Variants in LRP12 observed in about 807,000 individuals in gnomAD.
LRP12 encodes the protein low-density lipoprotein receptor-related protein 12.
In LRP12, 14 loss-of-function variants were observed where a neutral mutation model predicts 66.0. That is an observed-to-expected ratio of 0.21 (90% CI 0.14 to 0.33). The LOEUF (loss-of-function observed/expected upper bound fraction) is 0.33. Ranked by LOEUF, LRP12 falls within the 10% of genes least tolerant of loss-of-function variation. LRP12 has a pLI of 1.00. For synonymous variants in LRP12, 357 were observed against 359.1 expected (o/e 0.99, Z 0.07); for missense variants, 889 against 1,053.4 (o/e 0.84, Z 2.16).
At chr8:104,554,752 G>A (rs761252012) in intron 1 of LRP12, among the ~76,000 whole-genome samples, 8 of 152,160 alleles carry the variant, frequency 5.3e-5, no homozygotes, top group East Asian at 1.9e-4. Context: ...AGATCTAGAC[G>A]TTGAAATACA....
rs772131923 is a variant in LRP12 at position 104,531,955 on chromosome 8, C to T, written c.88G>A (p.Ala30Thr). The part of the protein sequence containing the change: ...LFLAGVYGNG[A>T]LAEHSENVHI... ...ACATTTTCAGAATGTTCTGCAAGAG[C>T]ACCATTTCCTAAAATTAAACATAAT... The change falls in exon 2 of 7, where the codon GCT becomes ACT. Residue 30 changes from alanine to threonine, a missense_variant. Ala to Thr is a moderately conservative substitution (Grantham distance 58, BLOSUM62 0). Coordinates refer to ENST00000276654, the MANE Select transcript of LRP12 (RefSeq NM_013437.5). The T allele has an allele frequency of 1.3e-6, 2 of 1,585,302 alleles. No individual in the cohort carries two copies. The highest frequency in any genetic ancestry group is 1.7e-6 in the Non-Finnish European group (2 of 1,167,574).
At position 104,588,995 on chromosome 8, in the gene LRP12, C is replaced by CGCCGCA; in HGVS notation, c.-99_-98insTGCGGC. 1.1e-6 allele frequency: 1 copy of CGCCGCA among 872,472 alleles called. No homozygotes were observed. The allele number at this position is 872,472 out of a possible 1,614,324, so 54.0% of individuals were successfully genotyped here. On this transcript the variant is annotated 5_prime_UTR_variant, in exon 1 of 7. Coordinates refer to ENST00000276654, the MANE Select transcript of LRP12 (RefSeq NM_013437.5). ...ACGCCGCCGCCGCCGCCGCCGCCGC[C>CGCCGCA]GCCGAGCCACCGGCTGCTCCCTGCG...
chr8:104,507,089 G>T (rs1451178184), intron 3 of LRP12: 2 of 151,970 alleles, frequency 1.3e-5, no homozygotes, highest in Non-Finnish European at 2.9e-5. Flanking sequence ...TCATTTGTAT[G>T]TCTAAAAGAG....
chr8:104,517,545 A>G (rs1218990728), intron 2 of LRP12, among the ~76,000 whole-genome samples: 1 of 152,070 alleles, frequency 6.6e-6, no homozygotes, highest in African/African-American at 2.4e-5. Flanking sequence ...AGGCAAAGAG[A>G]TCACCTAAAA....
At chr8:104,539,905 CA>C (rs1383846362) in intron 1 of LRP12, among the ~76,000 whole-genome samples, 1 of 151,386 alleles carries the variant, frequency 6.6e-6, no homozygotes, top group Non-Finnish European at 1.5e-5. Context: ...CATGCAAATA[CA>C]TATTTTTTTA....
chr8:104,562,900 T>C (rs996397342), intron 1 of LRP12, among the ~76,000 whole-genome samples: 4 of 152,194 alleles, frequency 2.6e-5, no homozygotes, highest in African/African-American at 9.7e-5. Flanking sequence ...AAAGAATTAA[T>C]GATCTGGCAT....
chr8:104,540,034 A>AGT (rs1811451826), intron 1 of LRP12, among the ~76,000 whole-genome samples: 1 of 152,150 alleles, frequency 6.6e-6, no homozygotes, highest in Non-Finnish European at 1.5e-5. Flanking sequence ...AAGTGTGCAG[A>AGT]GTGGTCACTT....
chr8:104,519,088 C>T (rs1490928401), intron 2 of LRP12, among the ~76,000 whole-genome samples: 1 of 152,050 alleles, frequency 6.6e-6, no homozygotes. Context: ...AACACACGCC[C>T]ACAGCTAGGC....
chr8:104,580,539 A>T (rs570723004), intron 1 of LRP12, among the ~76,000 whole-genome samples: 1 of 152,108 alleles, frequency 6.6e-6, no homozygotes, highest in Non-Finnish European at 1.5e-5. Context: ...CAAAAAAAAA[A>T]CAAAACAAAC....
chr8:104,519,714 C>A (rs1169377205), intron 2 of LRP12, among the ~76,000 whole-genome samples: 1 of 151,972 alleles, frequency 6.6e-6, no homozygotes, highest in Non-Finnish European at 1.5e-5. Context: ...ATCCATCACT[C>A]CCACTTAGGA....
chr8:104,543,339 A>G (rs538791635), intron 1 of LRP12, among the ~76,000 whole-genome samples: 69 of 152,010 alleles, frequency 4.5e-4, no homozygotes, highest in African/African-American at 1.5e-3. Flanking sequence ...AAACTTTTTC[A>G]TTACTATTGT....
At chr8:104,499,195 C>A (rs1052270565) in intron 4 of LRP12, 122 bp downstream of exon 4, 3 of 698,422 alleles carry the variant, frequency 4.3e-6, no homozygotes, top group Admixed American at 3.3e-5. Context: ...AATCCTCAAT[C>A]TCAGCTGCCT....
Position 104,497,166 on chromosome 8 carries a change from A to G in LRP12, c.1386T>C (p.Arg462=), listed in dbSNP as rs1810742331. The G allele has an allele frequency of 1.2e-6, 2 of 1,610,614 alleles. No individual in the cohort carries two copies. The highest frequency in any genetic ancestry group is 1.7e-5 in the Admixed American group (1 of 59,690). The change falls in exon 5 of 7, where the codon CGT becomes CGC. Residue 462 remains arginine, a synonymous_variant. Transcript: ENST00000276654. This position sits in a 1 kb window ranked among gnomAD's most constrained non-coding sequence, Gnocchi z 4.3. ...CACACACCCAACTTTCAAACACACA[A>G]CGATTGTTTTTACAATGGAAATTTC... The part of the protein sequence containing the change: ...QPGNFHCKNN[R]CVFESWVCDS...
chr8:104,491,589 A>AG, intron 6 of LRP12, 50 bp from the exon 7 acceptor site: 1 of 1,037,884 alleles, frequency 9.6e-7, no homozygotes, highest in Non-Finnish European at 1.3e-6. Context: ...AGGTACTAAG[A>AG]TAAAAAAAAA....
At chr8:104,561,763 G>T (rs1333844984) in intron 1 of LRP12, among the ~76,000 whole-genome samples, 2 of 152,026 alleles carry the variant, frequency 1.3e-5, no homozygotes, top group Non-Finnish European at 2.9e-5. Flanking sequence ...TCATCTTTTG[G>T]TCACTGGGAG....
At chr8:104,515,809 G>T (rs1811065205) in intron 2 of LRP12, among the ~76,000 whole-genome samples, 1 of 152,202 alleles carries the variant, frequency 6.6e-6, no homozygotes, top group African/African-American at 2.4e-5. Context: ...TAAAAGGTAT[G>T]TAGTTGTAAG....
intron 1 of LRP12, among the ~76,000 whole-genome samples, chr8:104,533,912 G>T (rs1162277277): frequency 1.3e-5 from 2 of 151,932 alleles, no homozygotes; most frequent in Admixed American, 6.6e-5. Context: ...GAAGATTGTG[G>T]ATTCTGAGCT....
chr8:104,518,726 ATTT>A (rs1401193445), intron 2 of LRP12, among the ~76,000 whole-genome samples: 3 of 152,102 alleles, frequency 2.0e-5, no homozygotes, highest in Admixed American at 2.0e-4. Flanking sequence ...GGTATTAAAA[ATTT>A]TATAAACAGC....
chr8:104,503,218 T>C (rs1810854403), intron 3 of LRP12, among the ~76,000 whole-genome samples: 1 of 150,640 alleles, frequency 6.6e-6, no homozygotes, highest in Non-Finnish European at 1.5e-5. Flanking sequence ...TCCCAGCTAC[T>C]CGGGAGGCTG....
Sources: allele counts gnomAD v4.1 joint callset (sites outside exome capture counted in the v4.1 genomes callset), GRCh38; gene constraint gnomAD v4.1.1; non-coding constraint Gnocchi (gnomAD v3.1); transcripts MANE v1.5; gene names NCBI Gene and HGNC (gene_info 2026-07-23, HGNC 2026-07-21).